SLC35F1: variants seen among roughly 807,000 people sequenced by gnomAD.
SLC35F1 encodes solute carrier family 35 member F1, also known as chromosome 6 open reading frame 169.
In SLC35F1, 14 loss-of-function variants were observed where a neutral mutation model predicts 48.7. That is an observed-to-expected ratio of 0.29 (90% CI 0.19 to 0.45). The LOEUF (loss-of-function observed/expected upper bound fraction) is 0.45, where lower values mean the gene tolerates loss of function less well. Among genes scored for constraint, SLC35F1 ranks in the 20% least tolerant of loss-of-function variants. The pLI is 1.00. For missense variants in SLC35F1, 404 were observed against 500.0 expected, an observed-to-expected ratio of 0.81 and a Z score of 1.83; for synonymous variants, 190 against 202.2, an observed-to-expected ratio of 0.94 and a Z score of 0.51.
At chr6:118,051,806 T>C (rs1048871019) in intron 1 of SLC35F1, among the ~76,000 whole-genome samples, 8 of 152,174 alleles carry the variant, frequency 5.3e-5, no homozygotes, top group African/African-American at 1.9e-4. Context: ...GAGCCCAGCT[T>C]GCAAGCTGAC....
intron 1 of SLC35F1, among the ~76,000 whole-genome samples, chr6:118,013,546 G>A (rs1223119073): frequency 1.3e-5 from 2 of 152,186 alleles, no homozygotes; most frequent in African/African-American, 2.4e-5. Context: ...ATAGGAAAGT[G>A]CATTTCTCCT....
chr6:117,941,741 C>G (rs528487892), intron 1 of SLC35F1, among the ~76,000 whole-genome samples: 1 of 152,096 alleles, frequency 6.6e-6, no homozygotes, highest in Non-Finnish European at 1.5e-5. Context: ...AAATTTGAGC[C>G]TATATTTAAA....
intron 1 of SLC35F1, among the ~76,000 whole-genome samples, chr6:117,957,988 A>C (rs562805686): frequency 1.3e-5 from 2 of 152,206 alleles, no homozygotes; most frequent in Non-Finnish European, 2.9e-5. Flanking sequence ...CATTGTTATC[A>C]TAGGAGATGA....
intron 1 of SLC35F1, among the ~76,000 whole-genome samples, chr6:117,956,443 G>A (rs1460254460): frequency 6.6e-6 from 1 of 152,202 alleles, no homozygotes; most frequent in Non-Finnish European, 1.5e-5. Flanking sequence ...TTTGCAGGGA[G>A]GATTCTGCCC....
At chr6:118,248,265 G>T (rs1483039297) in intron 3 of SLC35F1, among the ~76,000 whole-genome samples, 1 of 152,144 alleles carries the variant, frequency 6.6e-6, no homozygotes, top group African/African-American at 2.4e-5. Context: ...CTTTCATTAT[G>T]CATGAACATA....
At chr6:117,996,206 CT>C (rs762574451) in intron 1 of SLC35F1, among the ~76,000 whole-genome samples, 12 of 152,116 alleles carry the variant, frequency 7.9e-5, no homozygotes, top group Non-Finnish European at 1.6e-4. Context: ...CAAAAACAAA[CT>C]TTAGTGTTAA....
At chr6:118,244,101 G>A (rs17225674) in intron 3 of SLC35F1, among the ~76,000 whole-genome samples, 5,326 of 152,274 alleles carry the variant, frequency 0.035, 145 homozygotes, top group Middle Eastern at 0.054. Context: ...CTGATATGGG[G>A]CATAAACACC....
rs570311319 is a variant in SLC35F1 at position 118,169,504 on chromosome 6, T to C, written c.349+14884T>C. ...CATAGTTGTCGTCAGTTAAATTTCA[T>C]GATGATCTATTGAGCTGTGTTCCCA... On this transcript the variant is annotated intron_variant, in intron 2 of 7. Transcript: ENST00000360388. Among the ~76,000 whole-genome samples, 43 of 152,292 alleles carry C rather than the reference T, an allele frequency of 2.8e-4. No individual in the cohort carries two copies. In the South Asian group the frequency reaches 8.1e-3, roughly 29 times the overall value.
chr6:118,017,345 T>TG (rs1777335792), intron 1 of SLC35F1, among the ~76,000 whole-genome samples: 1 of 152,116 alleles, frequency 6.6e-6, no homozygotes, highest in East Asian at 1.9e-4. Flanking sequence ...AACTTTTTTT[T>TG]GTCCTTTTTT....
chr6:118,020,835 G>A (rs1352850123), intron 1 of SLC35F1, among the ~76,000 whole-genome samples: 2 of 152,160 alleles, frequency 1.3e-5, no homozygotes, highest in Non-Finnish European at 2.9e-5. Context: ...TTGACTATAG[G>A]AGCAGGGTGA....
intron 1 of SLC35F1, among the ~76,000 whole-genome samples, chr6:118,150,534 G>A (rs1774040743): frequency 6.6e-6 from 1 of 152,134 alleles, no homozygotes; most frequent in South Asian, 2.1e-4. Flanking sequence ...CACTATAGTT[G>A]TAATTTATAG....
intron 1 of SLC35F1, chr6:117,999,462 C>T (rs1380996682): frequency 2.5e-5 from 39 of 1,564,226 alleles, no homozygotes; most frequent in Non-Finnish European, 2.9e-5. Context: ...TCTCTGCCAA[C>T]ATGAGGACAG....
chr6:118,201,705 G>A lies in SLC35F1; in HGVS notation c.350-33804G>A, dbSNP rs546284667. Among the ~76,000 whole-genome samples the A allele has an allele frequency of 1.9e-3, 296 of 152,192 alleles. 1 individual carries two copies. Among genetic ancestry groups the A allele is most frequent in the African/African-American group, 6.7e-3 (279 of 41,530 alleles). ...GTTCACATAGTTGTACAACTATCACGATAAATTTTAGAACATTTACATCAC... is the reference window on the plus strand; with the variant it reads ...GTTCACATAGTTGTACAACTATCACAATAAATTTTAGAACATTTACATCAC... On this transcript the variant is annotated intron_variant, in intron 2 of 7. Coordinates refer to ENST00000360388, the MANE Select transcript of SLC35F1 (RefSeq NM_001029858.4).
intron 1 of SLC35F1, among the ~76,000 whole-genome samples, chr6:118,086,401 T>C (rs989002316): frequency 8.5e-5 from 13 of 152,206 alleles, no homozygotes; most frequent in Non-Finnish European, 1.5e-4. Flanking sequence ...CCTCAAGATG[T>C]GATTTATCGA....
chr6:118,172,073 T>C (rs567472420), intron 2 of SLC35F1, among the ~76,000 whole-genome samples: 85 of 152,178 alleles, frequency 5.6e-4, no homozygotes, highest in African/African-American at 1.9e-3. Flanking sequence ...TGTGATCACA[T>C]AAATGACGTC....
At chr6:118,292,024 A>T (rs1776130037) in intron 7 of SLC35F1, among the ~76,000 whole-genome samples, 1 of 152,192 alleles carries the variant, frequency 6.6e-6, no homozygotes, top group Non-Finnish European at 1.5e-5. Flanking sequence ...AGGCTGAGAC[A>T]GGAGAATTGC....
chr6:117,983,053 T>A (rs1776802585), intron 1 of SLC35F1, among the ~76,000 whole-genome samples: 1 of 152,202 alleles, frequency 6.6e-6, no homozygotes, highest in South Asian at 2.1e-4. Context: ...TATTTCTCTG[T>A]CTGCCTACCT....
intron 1 of SLC35F1, among the ~76,000 whole-genome samples, chr6:117,958,009 AGT>A (rs1237406827): frequency 1.3e-5 from 2 of 152,162 alleles, no homozygotes; most frequent in Non-Finnish European, 2.9e-5. Flanking sequence ...CAGCTCTATG[AGT>A]GTTATTGCCT....
At chr6:118,023,853 AGCT>A (rs1777429776) in intron 1 of SLC35F1, among the ~76,000 whole-genome samples, 1 of 152,178 alleles carries the variant, frequency 6.6e-6, no homozygotes, top group African/African-American at 2.4e-5. Flanking sequence ...ACTGCTCTCT[AGCT>A]TATTGAAGAC....
Sources: gnomAD v4.1 joint callset for allele counts (sites outside exome capture counted in the v4.1 genomes callset) on GRCh38, gnomAD v4.1.1 for gene constraint, MANE v1.5 for transcripts, NCBI Gene and HGNC (gene_info 2026-07-23, HGNC 2026-07-21) for gene names.